The following MTOR variants were observed in gnomAD, a reference collection of about 807,000 sequenced individuals.
The protein encoded by MTOR is mechanistic target of rapamycin kinase.
Under a neutral mutation model 319.8 loss-of-function variants are expected in MTOR, and 70 were observed. The observed-to-expected ratio is 0.22, with a 90% CI of 0.18 to 0.27. The LOEUF (loss-of-function observed/expected upper bound fraction) is 0.27. MTOR is among the 10% of genes least tolerant of loss of function. The pLI is 1.00. For missense variants in MTOR, 1,890 were observed against 3,274.4 expected, an observed-to-expected ratio of 0.58 and a Z score of 10.32; for synonymous variants, 1,183 against 1,211.4, an observed-to-expected ratio of 0.98 and a Z score of 0.49.
At position 11,121,930 on chromosome 1, in the gene MTOR, G is replaced by T. The variant is rs201401648; in HGVS notation, c.6810+49C>A. 102 of 1,606,026 alleles carry T rather than the reference G, an allele frequency of 6.4e-5. No individual in the cohort carries two copies. In the East Asian group the frequency reaches 2.2e-3, roughly 35 times the overall value. The stretch of plus-strand genomic sequence containing the variant: ...GGAATGAGAAAAGCAGCGCTACGGA[G>T]ATTCCCTGCCACGGAAGGGGCACTA... On this transcript the variant is annotated intron_variant, in intron 48 of 57. Transcript: ENST00000361445. This position sits in a 1 kb window ranked among gnomAD's most constrained non-coding sequence, Gnocchi z 4.9.
intron 30 of MTOR, among the ~76,000 whole-genome samples, chr1:11,156,885 CAGG>C (rs960708645): frequency 1.3e-5 from 2 of 152,146 alleles, no homozygotes; most frequent in Non-Finnish European, 2.9e-5. Context: ...GGAGAGTAGA[CAGG>C]AGAAGTAGAT....
At chr1:11,118,301 A>G (rs1445480717) in intron 49 of MTOR, among the ~76,000 whole-genome samples, 1 of 130,442 alleles carries the variant, frequency 7.7e-6, no homozygotes, top group South Asian at 2.5e-4. Context: ...CAATGGCACA[A>G]TCTTGGCTCA....
chr1:11,133,352 G>T lies in MTOR; in HGVS notation c.5247-155C>A, dbSNP rs759196154. Among the ~76,000 whole-genome samples, 2 of 152,158 alleles carry T rather than the reference G, an allele frequency of 1.3e-5. No homozygotes were observed. Among genetic ancestry groups the T allele is most frequent in the African/African-American group, 2.4e-5 (1 of 41,428 alleles). ...GAGCTAGCAAAATTTTCAGCCACAC[G>T]CAAGAAAGGAGATGGGCTTTTGGAA... is the stretch of plus-strand genomic sequence containing the variant. On this transcript the variant is annotated intron_variant, in intron 37 of 57. Coordinates refer to ENST00000361445, the MANE Select transcript of MTOR (RefSeq NM_004958.4). This position sits in a 1 kb window ranked among gnomAD's most constrained non-coding sequence, Gnocchi z 4.0.
chr1:11,202,290 G>GTGGTGGCA (rs202175099), intron 26 of MTOR, among the ~76,000 whole-genome samples: 8,949 of 151,868 alleles, frequency 0.059, 375 homozygotes, highest in South Asian at 0.12. Context: ...TTGGCCAGGT[G>GTGGTGGCA]TGCACCTGTA....
In MTOR at chr1:11,259,433, G is replaced by T. The variant is rs753188745; in HGVS notation, c.-14-10C>A. 1.3e-6 allele frequency: 2 copies of T among 1,522,152 alleles called. No homozygotes were observed. Among genetic ancestry groups the T allele is most frequent in the Non-Finnish European group, 1.8e-6 (2 of 1,142,038 alleles). 94.3% of individuals were successfully genotyped at this position (1,522,152 alleles called of 1,614,324 possible). A position where few individuals can be genotyped will look rare whatever the true frequency, so the allele number is the denominator to read the frequency against. The stretch of plus-strand genomic sequence containing the variant: ...ATCTTGCCCTGAGGTTCTTTAGAGA[G>T]AAGTTTCCTTTAATATTCTGGATAA... On this transcript the variant is annotated splice_polypyrimidine_tract_variant and intron_variant, in intron 1 of 57. Transcript: ENST00000361445.
chr1:11,227,074 G>C (rs1488039283), intron 19 of MTOR, among the ~76,000 whole-genome samples: 1 of 151,472 alleles, frequency 6.6e-6, no homozygotes, highest in African/African-American at 2.4e-5. Flanking sequence ...GAGGCAGTTG[G>C]ATCACCTGAG....
At chr1:11,158,606 T>C (rs970838369) in intron 29 of MTOR, among the ~76,000 whole-genome samples, 4 of 151,970 alleles carry the variant, frequency 2.6e-5, no homozygotes, top group African/African-American at 9.7e-5. Context: ...CTGTCCAAAA[T>C]AATATCTATT....
intron 29 of MTOR, among the ~76,000 whole-genome samples, chr1:11,157,507 G>A (rs1053148811): frequency 3.9e-5 from 6 of 152,204 alleles, no homozygotes; most frequent in African/African-American, 1.4e-4. Flanking sequence ...TGGATGGAAT[G>A]ATCCTGGGAT....
chr1:11,253,660 A>G (rs1649994748), intron 6 of MTOR, among the ~76,000 whole-genome samples, 179 bp downstream of exon 6: 1 of 151,994 alleles, frequency 6.6e-6, no homozygotes, highest in Non-Finnish European at 1.5e-5. Flanking sequence ...ATCACTCTCT[A>G]TTCTATTCTG....
At chr1:11,256,607 G>C (rs752999731) in intron 4 of MTOR, among the ~76,000 whole-genome samples, 21 of 152,310 alleles carry the variant, frequency 1.4e-4, no homozygotes, top group Admixed American at 6.5e-4. Context: ...AGCTGCCCCA[G>C]GTTACAGAGT....
chr1:11,183,383 T>A (rs1230543683), intron 28 of MTOR, among the ~76,000 whole-genome samples: 3 of 152,142 alleles, frequency 2.0e-5, no homozygotes, highest in Non-Finnish European at 4.4e-5. Context: ...TCCTTCCACC[T>A]CAACCTCCCG....
chr1:11,142,446 G>A (rs1246999367), intron 34 of MTOR, among the ~76,000 whole-genome samples: 6 of 151,952 alleles, frequency 3.9e-5, no homozygotes, highest in African/African-American at 9.7e-5. Context: ...GCGCCACCAC[G>A]CCTGGCTAAT....
At chr1:11,135,281 G>A (rs1007529261) in intron 36 of MTOR, among the ~76,000 whole-genome samples, 22 of 151,990 alleles carry the variant, frequency 1.4e-4, no homozygotes, top group South Asian at 6.2e-4. Flanking sequence ...TTCTAGAGGG[G>A]GGAAAACCCA....
At chr1:11,255,843 T>TCA in intron 5 of MTOR, 149 bp downstream of exon 5, 1 of 601,564 alleles carries the variant, frequency 1.7e-6, no homozygotes, top group Non-Finnish European at 2.5e-6. Flanking sequence ...CAAGACTCCA[T>TCA]CACAAAAAAA....
At chr1:11,194,951 T>TA (rs1645725329) in intron 28 of MTOR, 1 of 1,613,974 alleles carries the variant, frequency 6.2e-7, no homozygotes, top group East Asian at 2.2e-5. Flanking sequence ...TCACCTGGTA[T>TA]GGCTGGCATG....
chr1:11,148,668 G>A (rs898734798), intron 31 of MTOR, among the ~76,000 whole-genome samples: 1 of 152,044 alleles, frequency 6.6e-6, no homozygotes, highest in Non-Finnish European at 1.5e-5. Context: ...TTGGGAGGCC[G>A]AGGAGGATGG....
chr1:11,119,443 T>C (rs944980685), intron 49 of MTOR, among the ~76,000 whole-genome samples: 1 of 149,298 alleles, frequency 6.7e-6, no homozygotes, highest in Non-Finnish European at 1.5e-5. Flanking sequence ...TGGAGGCGGG[T>C]GCCTGTAGTC....
intron 49 of MTOR, 94 bp from the exon 50 acceptor site, chr1:11,117,180 A>C: frequency 9.5e-7 from 1 of 1,047,370 alleles, no homozygotes; most frequent in Non-Finnish European, 1.4e-6. Flanking sequence ...TGTACTTTTG[A>C]GACCGAGTCT....
At chr1:11,233,198 C>G in intron 15 of MTOR, 200 bp downstream of exon 15, 1 of 833,378 alleles carries the variant, frequency 1.2e-6, no homozygotes, top group Non-Finnish European at 1.9e-6. Context: ...GAAAATGTCA[C>G]CACTATCTGG....
Sources: gnomAD v4.1 joint callset for allele counts (sites outside exome capture counted in the v4.1 genomes callset) on GRCh38, gnomAD v4.1.1 for gene constraint, Gnocchi (gnomAD v3.1) non-coding constraint, MANE v1.5 for transcripts, NCBI Gene and HGNC (gene_info 2026-07-23, HGNC 2026-07-21) for gene names.